The following USP32 variants were observed in gnomAD, a reference collection of about 807,000 sequenced individuals.
USP32 encodes ubiquitin specific peptidase 32, also known as ubiquitin carboxyl-terminal hydrolase 32.
In USP32, 59 loss-of-function variants were observed where a neutral mutation model predicts 204.8. The observed-to-expected ratio is 0.29, with a 90% CI of 0.23 to 0.36. The LOEUF is 0.36. USP32 is among the 10% of genes least tolerant of loss of function. The pLI is 1.00. For missense variants in USP32, 1,160 were observed against 1,946.4 expected (o/e 0.60, Z 7.60); for synonymous variants, 517 against 678.4 (o/e 0.76, Z 3.70).
intron 2 of USP32, among the ~76,000 whole-genome samples, chr17:60,326,661 G>A (rs2088246906): frequency 6.6e-6 from 1 of 152,106 alleles, no homozygotes; most frequent in Admixed American, 6.6e-5. Flanking sequence ...GGAATTTGTG[G>A]ATCTCAGTAT....
chr17:60,320,299 T>G (rs1335000089), intron 2 of USP32, among the ~76,000 whole-genome samples: 1 of 152,204 alleles, frequency 6.6e-6, no homozygotes, highest in Non-Finnish European at 1.5e-5. Flanking sequence ...AAAACATTTC[T>G]AATATTAAAC....
chr17:60,273,883 C>T (rs1206204249), intron 5 of USP32, among the ~76,000 whole-genome samples: 1 of 148,364 alleles, frequency 6.7e-6, no homozygotes, highest in African/African-American at 2.6e-5. Flanking sequence ...TCGCTTGAAC[C>T]TAGGAGGTGG....
chr17:60,183,109 A>G, intron 31 of USP32, 56 bp downstream of exon 31: 2 of 1,524,900 alleles, frequency 1.3e-6, no homozygotes, highest in Non-Finnish European at 8.8e-7. Flanking sequence ...ACAGAGAAAC[A>G]TATGTAGCCT....
At chr17:60,362,716 G>A (rs2089234157) in intron 1 of USP32, among the ~76,000 whole-genome samples, 1 of 151,624 alleles carries the variant, frequency 6.6e-6, no homozygotes, top group Admixed American at 6.6e-5. Flanking sequence ...GCAGTTTCTC[G>A]AATCAAATAC....
At chr17:60,369,751 A>AT (rs747374214) in intron 1 of USP32, among the ~76,000 whole-genome samples, 35 of 151,614 alleles carry the variant, frequency 2.3e-4, no homozygotes, top group East Asian at 3.9e-4. Context: ...CTACACAATG[A>AT]TTTTTTTTTA....
intron 1 of USP32, among the ~76,000 whole-genome samples, chr17:60,414,020 G>T (rs12939467): frequency 2.0e-5 from 3 of 152,078 alleles, no homozygotes; most frequent in Non-Finnish European, 4.4e-5. Context: ...TGTGCTAGCA[G>T]AGTAGGATGT....
rs546397838 is a variant in USP32 at position 60,216,848 on chromosome 17, ATC to A, written c.1868-2076_1868-2075del. ...TTTTACAATCAGCAAGCAAAGGATA[ATC>A]TCTAAAAGAAAACAAAAGAGCAAAT... On this transcript the variant is annotated intron_variant, in intron 16 of 33. Transcript: ENST00000300896. Among the ~76,000 whole-genome samples the A allele has an allele frequency of 2.3e-3, 350 of 152,328 alleles. 2 individuals are homozygous for A. Among genetic ancestry groups the A allele is most frequent in the African/African-American group, 7.8e-3 (326 of 41,580 alleles).
intron 1 of USP32, among the ~76,000 whole-genome samples, chr17:60,349,674 T>G (rs1310183933): frequency 7.6e-6 from 1 of 132,008 alleles, no homozygotes. Flanking sequence ...CACATATATA[T>G]ATACACACAT....
intron 2 of USP32, among the ~76,000 whole-genome samples, chr17:60,326,816 CTGAGTTA>C (rs1227894166): frequency 6.6e-6 from 1 of 152,054 alleles, no homozygotes; most frequent in Non-Finnish European, 1.5e-5. Context: ...ACAAGATGTT[CTGAGTTA>C]TATTTATATA....
chr17:60,345,403 A>G, intron 2 of USP32, 78 bp downstream of exon 2: 1 of 1,566,196 alleles, frequency 6.4e-7, no homozygotes. Context: ...ATCTGTTAAG[A>G]GCAGAAGGCC....
upstream of USP32, chr17:60,392,287 T>G: frequency 1.2e-5 from 4 of 347,640 alleles, no homozygotes; most frequent in Non-Finnish European, 2.1e-5. Flanking sequence ...CCAGACACTG[T>G]TCCCGGTAAC....
chr17:60,205,736 A>G, intron 25 of USP32, 78 bp from the exon 26 acceptor site: 10 of 1,329,110 alleles, frequency 7.5e-6, no homozygotes, highest in Non-Finnish European at 1.0e-5. Context: ...TATCCTGAGG[A>G]CCAGAGACAG....
intron 1 of USP32, among the ~76,000 whole-genome samples, chr17:60,411,010 C>T (rs2090013627): frequency 6.7e-6 from 1 of 150,164 alleles, no homozygotes; most frequent in Non-Finnish European, 1.5e-5. Context: ...ACCTTCACCT[C>T]TACAAAAAAA....
intron 1 of USP32, among the ~76,000 whole-genome samples, chr17:60,406,249 G>T (rs1176630623): frequency 2.7e-5 from 4 of 150,626 alleles, no homozygotes; most frequent in Admixed American, 1.3e-4. Context: ...GACCATCTCA[G>T]CTCACTGCAA....
chr17:60,249,443 A>G, intron 11 of USP32: 1 of 354,618 alleles, frequency 2.8e-6, no homozygotes, highest in South Asian at 5.1e-5. Flanking sequence ...TAAAAATTTG[A>G]CTGGTCTGTT....
chr17:60,182,117 G>A (rs2084127177), intron 31 of USP32, among the ~76,000 whole-genome samples: 1 of 152,138 alleles, frequency 6.6e-6, no homozygotes, highest in Non-Finnish European at 1.5e-5. Context: ...ACCATTTACT[G>A]AGTACTTCCT....
intron 1 of USP32, chr17:60,422,021 AC>A: frequency 1.1e-6 from 1 of 880,708 alleles, no homozygotes; most frequent in Non-Finnish European, 1.4e-6. Flanking sequence ...AGTACCCAGC[AC>A]CCAGCACCCA....
chr17:60,317,028 G>A (rs2087997357), intron 2 of USP32, among the ~76,000 whole-genome samples: 1 of 152,148 alleles, frequency 6.6e-6, no homozygotes, highest in Admixed American at 6.5e-5. Context: ...GTTATCAGGG[G>A]CTGGGGAGGA....
rs561216766 is a variant in USP32, at chr17:60,371,562, C to G, written c.58+20320G>C. On this transcript the variant is annotated intron_variant, in intron 1 of 33. Transcript: ENST00000300896. Reference sequence around the variant, plus strand: ...CCAGCCTGGGCAACAGAGCAAGATTCTGTCTCAAAAAAAAAAAAAATTAAA... The same window carrying G: ...CCAGCCTGGGCAACAGAGCAAGATTGTGTCTCAAAAAAAAAAAAAATTAAA... Among the ~76,000 whole-genome samples the G allele has an allele frequency of 3.3e-5, 5 of 150,682 alleles. No individual in the cohort carries two copies. The South Asian group carries it at 1.0e-3, about 32-fold the overall frequency.
Sources: allele counts gnomAD v4.1 joint callset (sites outside exome capture counted in the v4.1 genomes callset), GRCh38; gene constraint gnomAD v4.1.1; transcripts MANE v1.5; gene names NCBI Gene and HGNC (gene_info 2026-07-23, HGNC 2026-07-21).